The following ZFAT variants were observed in gnomAD, a reference collection of about 807,000 sequenced individuals.
ZFAT encodes the protein zinc finger protein ZFAT.
In ZFAT, 64 loss-of-function variants were observed where a neutral mutation model predicts 117.7. The observed-to-expected ratio is 0.54, with a 90% CI of 0.44 to 0.67. The LOEUF (loss-of-function observed/expected upper bound fraction) is 0.67, where lower values mean the gene tolerates loss of function less well. ZFAT is among the 30% of genes least tolerant of loss of function. The pLI, the probability that ZFAT is intolerant of heterozygous loss-of-function variation, is 0.00. For missense variants in ZFAT, 1,433 were observed against 1,584.5 expected, an observed-to-expected ratio of 0.90 and a Z score of 1.62; for synonymous variants, 679 against 615.0, an observed-to-expected ratio of 1.10 and a Z score of -1.54.
chr8:134,696,280 C>G (rs1460180432), intron 1 of ZFAT, among the ~76,000 whole-genome samples: 13 of 152,354 alleles, frequency 8.5e-5, no homozygotes. Flanking sequence ...CAAGGCAGCC[C>G]CTGAGTCCCA....
chr8:134,590,152 A>G (rs1826357274), intron 8 of ZFAT, 116 bp downstream of exon 8: 1 of 709,522 alleles, frequency 1.4e-6, no homozygotes, highest in Non-Finnish European at 2.3e-6. Flanking sequence ...CCATGAATAT[A>G]TTCACAGCTT....
chr8:134,560,607 A>G (rs1823976502), intron 11 of ZFAT, among the ~76,000 whole-genome samples: 1 of 152,270 alleles, frequency 6.6e-6, no homozygotes, highest in Non-Finnish European at 1.5e-5. Flanking sequence ...ACACTGCCTT[A>G]CATAATGATA....
chr8:134,709,412 A>G (rs1586978701), intron 1 of ZFAT, among the ~76,000 whole-genome samples: 2 of 152,324 alleles, frequency 1.3e-5, no homozygotes, highest in African/African-American at 4.8e-5. Context: ...GACTTCCCTT[A>G]GGTCAGGAAT....
At chr8:134,728,131 A>G in the ZFAT span, among the ~76,000 whole-genome samples, 1 of 151,490 alleles carries the variant, frequency 6.6e-6, no homozygotes, top group Non-Finnish European at 1.5e-5. Flanking sequence ...TGAGATTCCA[A>G]TATTAAATTT....
chr8:134,668,711 G>A (rs1832387759), intron 1 of ZFAT, among the ~76,000 whole-genome samples: 1 of 152,224 alleles, frequency 6.6e-6, no homozygotes, highest in Admixed American at 6.5e-5. Context: ...CCCCTTCAAA[G>A]GAACACAGCT....
At chr8:134,539,635 T>C (rs1822102870) in intron 11 of ZFAT, among the ~76,000 whole-genome samples, 1 of 152,170 alleles carries the variant, frequency 6.6e-6, no homozygotes, top group Non-Finnish European at 1.5e-5. Flanking sequence ...CCGTCTGGTA[T>C]CAGAAAATTT....
rs1833566245 is a variant in ZFAT, at chr8:134,691,177, G to GC, written c.19+21667dup. On this transcript the variant is annotated intron_variant, in intron 1 of 15. Transcript: ENST00000377838. ...CATCACTGGGAGCCACAGAAAGGCT[G>GC]CCCCCCTTTTCCCTCACCATGCTAG... 2.6e-5 allele frequency among the ~76,000 whole-genome samples: 4 copies of GC among 152,180 alleles called. No individual in the cohort carries two copies. The South Asian group carries it at 8.3e-4, about 31-fold the overall frequency.
the ZFAT span, among the ~76,000 whole-genome samples, chr8:134,726,834 C>T: frequency 0.34 from 50,927 of 151,602 alleles, 8,981 homozygotes; most frequent in South Asian, 0.44. Flanking sequence ...TTCTTGAACT[C>T]CTGAGCTCAA....
intron 1 of ZFAT, among the ~76,000 whole-genome samples, chr8:134,664,216 G>A (rs560679129): frequency 2.6e-5 from 4 of 151,668 alleles, no homozygotes; most frequent in African/African-American, 9.7e-5. Context: ...CTACAGTACA[G>A]GACGGAGGGT....
chr8:134,637,580 C>T lies in ZFAT; in HGVS notation c.329G>A (p.Ser110Asn), dbSNP rs754949445. Residue 110 changes from serine to asparagine, a missense_variant, in exon 3 of 16, where the codon AGC becomes AAC. By Grantham distance (46) the Ser-to-Asn change is conservative. This residue lies in a region of ZFAT where 436 missense variants were observed against 482.0 expected (regional missense o/e 0.90). Transcript: ENST00000377838. ...ACACTCCAAGCTGCTTGGAGGCAGG[C>T]TGTTCCCTTCCTCCGGAGCCAGCGG... is the stretch of plus-strand genomic sequence containing the variant. ...DSPLAPEEGN[S>N]LPPSSLECSK... 6.2e-7 allele frequency: 1 copy of T among 1,614,258 alleles called. No homozygotes were observed. The highest frequency in any genetic ancestry group is 2.2e-5 in the East Asian group (1 of 44,884).
chr8:134,830,978 T>C, the ZFAT span, among the ~76,000 whole-genome samples: 1 of 152,172 alleles, frequency 6.6e-6, no homozygotes, highest in Non-Finnish European at 1.5e-5. Flanking sequence ...TTATTCACAA[T>C]CAGCACAGGA....
intron 3 of ZFAT, among the ~76,000 whole-genome samples, chr8:134,613,172 T>C (rs912866232): frequency 2.0e-5 from 3 of 152,180 alleles, no homozygotes; most frequent in Non-Finnish European, 4.4e-5. Context: ...CAATTCAATA[T>C]GTGGGTGATA....
intron 1 of ZFAT, among the ~76,000 whole-genome samples, chr8:134,662,952 A>C (rs1240579715): frequency 6.6e-6 from 1 of 152,210 alleles, no homozygotes; most frequent in Non-Finnish European, 1.5e-5. Context: ...GCCCAAGACC[A>C]CTTCTCCCTA....
chr8:134,671,320 A>G (rs1211430187), intron 1 of ZFAT, among the ~76,000 whole-genome samples: 1 of 152,212 alleles, frequency 6.6e-6, no homozygotes, highest in Non-Finnish European at 1.5e-5. Flanking sequence ...TTTTAGACCA[A>G]TATCCCTGAT....
At chr8:134,664,596 C>T (rs9693482) in intron 1 of ZFAT, among the ~76,000 whole-genome samples, 49,879 of 152,178 alleles carry the variant, frequency 0.33, 8,649 homozygotes, top group South Asian at 0.42. Flanking sequence ...TCACTGGGTA[C>T]GTTCATAAAG....
chr8:134,606,186 G>C (rs1273005834), intron 5 of ZFAT, among the ~76,000 whole-genome samples: 1 of 152,206 alleles, frequency 6.6e-6, no homozygotes, highest in East Asian at 1.9e-4. Context: ...ACAGCAGGTG[G>C]ACAAGCCTCA....
chr8:134,518,304 T>C (rs935616979), intron 13 of ZFAT, among the ~76,000 whole-genome samples: 15 of 152,226 alleles, frequency 9.9e-5, no homozygotes, highest in African/African-American at 3.1e-4. Flanking sequence ...AGTTGGATTA[T>C]TGAATTAATG....
chr8:134,508,867 C>T (rs1407121458), intron 15 of ZFAT, among the ~76,000 whole-genome samples: 1 of 152,176 alleles, frequency 6.6e-6, no homozygotes, highest in Non-Finnish European at 1.5e-5. Flanking sequence ...TGAACTTGAA[C>T]TTTGATTTCA....
chr8:134,769,432 T>A, the ZFAT span, among the ~76,000 whole-genome samples: 1 of 152,240 alleles, frequency 6.6e-6, no homozygotes, highest in East Asian at 1.9e-4. Context: ...TTTGACTCTA[T>A]GTTTCACATG....
Sources: allele counts gnomAD v4.1 joint callset (sites outside exome capture counted in the v4.1 genomes callset), GRCh38; gene constraint gnomAD v4.1.1; regional missense constraint gnomAD v4.1.1; transcripts MANE v1.5; gene names NCBI Gene and HGNC (gene_info 2026-07-23, HGNC 2026-07-21).